The following RNGTT variants were observed in gnomAD, a reference collection of about 807,000 sequenced individuals.
The protein encoded by RNGTT is RNA guanylyltransferase and 5'-phosphatase.
Under a neutral mutation model 79.3 loss-of-function variants are expected in RNGTT, and 33 were observed. That is an observed-to-expected ratio of 0.42 (90% CI 0.32 to 0.56). The LOEUF is 0.56. Ranked by LOEUF, RNGTT falls within the 20% of genes least tolerant of loss-of-function variation. The pLI is 0.17. For synonymous variants in RNGTT, 222 were observed against 235.9 expected (o/e 0.94, Z 0.54); for missense variants, 497 against 739.1 (o/e 0.67, Z 3.80).
intron 2 of RNGTT, among the ~76,000 whole-genome samples, chr6:88,933,692 T>G (rs1474810130): frequency 6.6e-6 from 1 of 152,198 alleles, no homozygotes; most frequent in Non-Finnish European, 1.5e-5. Context: ...GTCTGGCTTA[T>G]TTTGGTTAAC....
At chr6:88,883,928 T>C (rs997340897) in intron 8 of RNGTT, among the ~76,000 whole-genome samples, 9 of 152,292 alleles carry the variant, frequency 5.9e-5, no homozygotes, top group African/African-American at 2.2e-4. Flanking sequence ...TTTGACTCCA[T>C]TCAGAATTAA....
chr6:88,726,199 C>T lies in RNGTT; in HGVS notation c.1439+43575G>A, dbSNP rs545388169. 2.7e-3 allele frequency among the ~76,000 whole-genome samples: 411 copies of T among 152,180 alleles called. 3 individuals are homozygous for T. The highest frequency in any genetic ancestry group is 9.0e-3 in the African/African-American group (374 of 41,542). ...TGTCAGTGTAAATAAGGGCATAGCC[C>T]GAAAGCACTGAGGCCACTGACAATC... On this transcript the variant is annotated intron_variant, in intron 13 of 15. Transcript: ENST00000369485.
intron 8 of RNGTT, among the ~76,000 whole-genome samples, chr6:88,887,128 T>C (rs764897690): frequency 9.3e-5 from 14 of 151,220 alleles, no homozygotes; most frequent in Non-Finnish European, 1.6e-4. Flanking sequence ...TAATGCAAAA[T>C]TCTTACACAA....
At chr6:88,810,098 G>GA in intron 11 of RNGTT, among the ~76,000 whole-genome samples, 1 of 152,028 alleles carries the variant, frequency 6.6e-6, no homozygotes, top group East Asian at 1.9e-4. Context: ...AAAAAATTAA[G>GA]AAAAAGGTTA....
At chr6:88,818,586 A>AG (rs1326646028) in intron 11 of RNGTT, among the ~76,000 whole-genome samples, 1 of 152,228 alleles carries the variant, frequency 6.6e-6, no homozygotes, top group African/African-American at 2.4e-5. Context: ...ATAGAAAAAA[A>AG]GAAAAAAGTT....
intron 6 of RNGTT, 136 bp downstream of exon 6, chr6:88,904,579 T>A: frequency 1.8e-6 from 2 of 1,082,984 alleles, no homozygotes; most frequent in South Asian, 2.0e-5. Flanking sequence ...AAAAAATTTT[T>A]TTTTTAGAAA....
intron 13 of RNGTT, among the ~76,000 whole-genome samples, chr6:88,702,216 T>C (rs1775971372): frequency 6.6e-6 from 1 of 152,136 alleles, no homozygotes. Context: ...AAAACTATTC[T>C]AAACTTCATA....
intron 4 of RNGTT, among the ~76,000 whole-genome samples, chr6:88,918,482 G>A (rs974596034): frequency 2.0e-5 from 3 of 152,144 alleles, no homozygotes; most frequent in Admixed American, 1.3e-4. Context: ...TTTTTTCAGC[G>A]GGAGGGGATT....
At chr6:88,693,782 A>G (rs910314738) in intron 13 of RNGTT, among the ~76,000 whole-genome samples, 1 of 152,182 alleles carries the variant, frequency 6.6e-6, no homozygotes, top group African/African-American at 2.4e-5. Context: ...CCCCGGAATG[A>G]AAGGACAGTT....
chr6:88,846,554 C>T (rs1413331349), intron 10 of RNGTT, among the ~76,000 whole-genome samples: 2 of 152,192 alleles, frequency 1.3e-5, no homozygotes, highest in Middle Eastern at 3.4e-3. Context: ...TCGTGACCAG[C>T]GTAGCCATCA....
chr6:88,616,721 T>C (rs1186815046), intron 14 of RNGTT, among the ~76,000 whole-genome samples: 1 of 152,208 alleles, frequency 6.6e-6, no homozygotes, highest in African/African-American at 2.4e-5. Flanking sequence ...AGAAACTTTG[T>C]CAATTTTTTT....
intron 1 of RNGTT, among the ~76,000 whole-genome samples, chr6:88,948,360 G>T (rs1408969638): frequency 4.1e-5 from 4 of 98,606 alleles, no homozygotes; most frequent in Non-Finnish European, 8.8e-5. Flanking sequence ...AGGGAGGTGG[G>T]GGGGGGTCAG....
At chr6:88,826,906 G>A (rs9342164) in intron 11 of RNGTT, among the ~76,000 whole-genome samples, 1 of 147,528 alleles carries the variant, frequency 6.8e-6, no homozygotes, top group African/African-American at 2.5e-5. Flanking sequence ...TTAATGTGCT[G>A]GAACTAAATA....
chr6:88,809,156 C>T (rs1021117362), intron 11 of RNGTT, among the ~76,000 whole-genome samples: 1 of 151,972 alleles, frequency 6.6e-6, no homozygotes, highest in African/African-American at 2.4e-5. Context: ...GAAAACAATA[C>T]ATACTGACAA....
intron 4 of RNGTT, among the ~76,000 whole-genome samples, chr6:88,907,053 TC>T (rs1783676753): frequency 1.3e-5 from 2 of 152,200 alleles, no homozygotes; most frequent in South Asian, 4.1e-4. Flanking sequence ...CTTGAAGCTC[TC>T]TAGAAACCAA....
At chr6:88,743,896 A>G (rs1430371048) in intron 13 of RNGTT, among the ~76,000 whole-genome samples, 1 of 152,198 alleles carries the variant, frequency 6.6e-6, no homozygotes, top group Non-Finnish European at 1.5e-5. Flanking sequence ...CCATGCCAAT[A>G]GTTTACTTAT....
At chr6:88,732,625 A>G (rs1162163581) in intron 13 of RNGTT, among the ~76,000 whole-genome samples, 3 of 152,228 alleles carry the variant, frequency 2.0e-5, no homozygotes, top group African/African-American at 7.2e-5. Context: ...TTGACAAATG[A>G]ATAAGTAAAA....
At chr6:88,731,925 G>T (rs1777130034) in intron 13 of RNGTT, among the ~76,000 whole-genome samples, 1 of 151,800 alleles carries the variant, frequency 6.6e-6, no homozygotes, top group Admixed American at 6.6e-5. Flanking sequence ...GTAGGCTAAA[G>T]GAAAGAAAAT....
chr6:88,811,851 T>G (rs978317524), intron 11 of RNGTT, among the ~76,000 whole-genome samples: 1 of 152,192 alleles, frequency 6.6e-6, no homozygotes, highest in African/African-American at 2.4e-5. Context: ...CTCAATATAG[T>G]AACTTCTATC....
Sources: gnomAD v4.1 joint callset for allele counts (sites outside exome capture counted in the v4.1 genomes callset) on GRCh38, gnomAD v4.1.1 for gene constraint, MANE v1.5 for transcripts, NCBI Gene and HGNC (gene_info 2026-07-23, HGNC 2026-07-21) for gene names.